NCKAP5: variants seen among roughly 807,000 people sequenced by gnomAD.
NCKAP5 encodes nck-associated protein 5.
A neutral mutation model predicts 167.0 loss-of-function variants in NCKAP5; 92 were observed. The ratio of observed to expected loss-of-function variants is 0.55; its 90% CI spans 0.47 to 0.66. The LOEUF is 0.66. Ranked by LOEUF, NCKAP5 falls within the 30% of genes least tolerant of loss-of-function variation. NCKAP5 has a pLI of 0.00. For missense variants in NCKAP5, 2,378 were observed against 2,315.0 expected, an observed-to-expected ratio of 1.03 and a Z score of -0.56; for synonymous variants, 891 against 877.4, an observed-to-expected ratio of 1.02 and a Z score of -0.27.
At chr2:132,968,476 T>C (rs2076733082) in intron 7 of NCKAP5, among the ~76,000 whole-genome samples, 1 of 152,188 alleles carries the variant, frequency 6.6e-6, no homozygotes, top group Non-Finnish European at 1.5e-5. Context: ...GGGAAAATCA[T>C]TCCAACTTTT....
intron 8 of NCKAP5, among the ~76,000 whole-genome samples, chr2:132,891,844 C>A (rs1692733800): frequency 6.6e-6 from 1 of 152,154 alleles, no homozygotes; most frequent in Non-Finnish European, 1.5e-5. Context: ...GTAAGATAAT[C>A]TGATGGGAAG....
chr2:132,677,106 A>G (rs1409882788), intron 19 of NCKAP5, among the ~76,000 whole-genome samples: 2 of 152,182 alleles, frequency 1.3e-5, no homozygotes, highest in East Asian at 1.9e-4. Flanking sequence ...TCCATAAAAC[A>G]TCGCCAATTC....
At chr2:133,491,460 G>A (rs1681435848) in intron 3 of NCKAP5, among the ~76,000 whole-genome samples, 1 of 152,120 alleles carries the variant, frequency 6.6e-6, no homozygotes, top group South Asian at 2.1e-4. Context: ...CGTCACCAAG[G>A]TTATGATTAA....
At position 133,077,744 on chromosome 2, in the gene NCKAP5, T is replaced by G. The variant is rs572727857; in HGVS notation, c.341+52234A>C. Among the ~76,000 whole-genome samples the G allele has an allele frequency of 5.3e-5, 8 of 152,300 alleles. No homozygotes were observed. The East Asian group carries it at 5.8e-4, about 11-fold the overall frequency. The stretch of plus-strand genomic sequence containing the variant: ...AGCCATTCAAACTCCTACAAGTTAT[T>G]TCCCTTTAGCTTCTGCTACTCTGGA... On this transcript the variant is annotated intron_variant, in intron 6 of 19. Coordinates refer to ENST00000409261, the MANE Select transcript of NCKAP5 (RefSeq NM_207363.3).
intron 3 of NCKAP5, among the ~76,000 whole-genome samples, chr2:133,465,101 G>A (rs1206731419): frequency 2.6e-5 from 4 of 150,978 alleles, no homozygotes; most frequent in South Asian, 2.1e-4. Context: ...CTGGTGTGCT[G>A]TACCCACTAA....
chr2:133,476,511 T>C (rs938121019), intron 3 of NCKAP5, among the ~76,000 whole-genome samples: 6 of 152,224 alleles, frequency 3.9e-5, no homozygotes, highest in Admixed American at 1.3e-4. Context: ...GCCCTTATCA[T>C]TGATGGATAA....
In NCKAP5 at chr2:133,086,341, C is replaced by T. The variant is rs115539234; in HGVS notation, c.341+43637G>A. On this transcript the variant is annotated intron_variant, in intron 6 of 19. Coordinates refer to ENST00000409261, the MANE Select transcript of NCKAP5 (RefSeq NM_207363.3). ...TTTCCTTCTGAAGCAAAGTAAAATACCACATTAAAGAAATTTGAGGCAGAA... is the reference window on the plus strand; with the variant it reads ...TTTCCTTCTGAAGCAAAGTAAAATATCACATTAAAGAAATTTGAGGCAGAA... 1.8e-3 allele frequency among the ~76,000 whole-genome samples: 269 copies of T among 152,196 alleles called. 1 individual carries two copies. The highest frequency in any genetic ancestry group is 6.8e-3 in the Middle Eastern group (2 of 294).
intron 3 of NCKAP5, among the ~76,000 whole-genome samples, chr2:133,369,809 G>C (rs759392536): frequency 6.6e-6 from 1 of 152,194 alleles, no homozygotes; most frequent in Admixed American, 6.5e-5. Context: ...TATAAATATA[G>C]AAAATGGATG....
At chr2:133,531,599 T>C (rs1332018129) in intron 2 of NCKAP5, among the ~76,000 whole-genome samples, 1 of 152,168 alleles carries the variant, frequency 6.6e-6, no homozygotes, top group African/African-American at 2.4e-5. Flanking sequence ...TTTCTGGTCA[T>C]ACAGCATTGA....
intron 3 of NCKAP5, among the ~76,000 whole-genome samples, chr2:133,441,911 A>T (rs73957100): frequency 0.1 from 15,787 of 152,232 alleles, 1,559 homozygotes; most frequent in East Asian, 0.27. Context: ...AGTCTCTGTC[A>T]TAAAAACTCT....
the NCKAP5 span, among the ~76,000 whole-genome samples, chr2:133,647,520 A>G: frequency 7.7e-6 from 1 of 129,948 alleles, no homozygotes. Context: ...AGGAAAGGAA[A>G]GGAAAGGAAA....
intron 3 of NCKAP5, among the ~76,000 whole-genome samples, chr2:133,393,845 C>T (rs1559448118): frequency 6.6e-6 from 1 of 152,208 alleles, no homozygotes; most frequent in African/African-American, 2.4e-5. Context: ...AATTGCTGTG[C>T]TTTGTCCAAA....
intron 6 of NCKAP5, among the ~76,000 whole-genome samples, chr2:133,039,887 G>A (rs1271009687): frequency 6.6e-6 from 1 of 152,116 alleles, no homozygotes; most frequent in Non-Finnish European, 1.5e-5. Flanking sequence ...ATGCATAACA[G>A]GGCAGTATTA....
Position 132,672,173 on chromosome 2 carries a change from T to G in NCKAP5, c.*1116A>C, listed in dbSNP as rs1450546915. On this transcript the variant is annotated 3_prime_UTR_variant, in exon 20 of 20. Transcript: ENST00000409261. ...GCACCATTAATTTTATTTTTAAAAG[T>G]GAACATTGCAAATAGAAATTTGTTT... 2.6e-5 allele frequency: 4 copies of G among 152,646 alleles called. No individual in the cohort carries two copies. In the East Asian group the frequency reaches 7.7e-4, roughly 29 times the overall value. 9.5% of individuals were successfully genotyped at this position (152,646 alleles called of 1,614,324 possible). A position where few individuals can be genotyped will look rare whatever the true frequency, so the allele number is the denominator to read the frequency against.
the NCKAP5 span, among the ~76,000 whole-genome samples, chr2:133,654,269 T>C: frequency 1.3e-5 from 2 of 152,012 alleles, no homozygotes; most frequent in Non-Finnish European, 2.9e-5. Flanking sequence ...TCCCAGCTAC[T>C]TGGGAGGCTG....
At chr2:133,560,720 C>G (rs919885158) in intron 1 of NCKAP5, among the ~76,000 whole-genome samples, 4 of 152,202 alleles carry the variant, frequency 2.6e-5, no homozygotes, top group Admixed American at 2.6e-4. Context: ...TCTCAGCTCT[C>G]GGAGTCTAGC....
intron 6 of NCKAP5, among the ~76,000 whole-genome samples, chr2:133,030,547 T>C (rs1027167105): frequency 1.3e-5 from 2 of 152,144 alleles, no homozygotes; most frequent in East Asian, 1.9e-4. Flanking sequence ...TCACCTCTGA[T>C]TGGAAAAACA....
chr2:133,669,898 C>T, the NCKAP5 span, among the ~76,000 whole-genome samples: 1 of 152,154 alleles, frequency 6.6e-6, no homozygotes, highest in Admixed American at 6.5e-5. Context: ...CAGCAATGAT[C>T]CAGAGATCTG....
chr2:133,439,689 C>T (rs1438466760), intron 3 of NCKAP5, among the ~76,000 whole-genome samples: 1 of 152,158 alleles, frequency 6.6e-6, no homozygotes, highest in East Asian at 1.9e-4. Flanking sequence ...CCAAATACAC[C>T]ATGATCCTTG....
Sources: gnomAD v4.1 joint callset for allele counts (sites outside exome capture counted in the v4.1 genomes callset) on GRCh38, gnomAD v4.1.1 for gene constraint, MANE v1.5 for transcripts, NCBI Gene and HGNC (gene_info 2026-07-23, HGNC 2026-07-21) for gene names.